The following RNF216 variants were observed in gnomAD, a reference collection of about 807,000 sequenced individuals.
RNF216 encodes the protein ring finger protein 216.
In RNF216, 72 loss-of-function variants were observed where a neutral mutation model predicts 110.8. The ratio of observed to expected loss-of-function variants is 0.65; its 90% CI spans 0.54 to 0.79. The LOEUF is 0.79. Among genes scored for constraint, RNF216 ranks in the 30% least tolerant of loss-of-function variants. The probability of loss-of-function intolerance (pLI) is 0.00; values close to 1 mark genes in which losing one functional copy is unlikely to be tolerated. For missense variants in RNF216, 1,342 were observed against 1,141.2 expected (o/e 1.18, Z -2.54); for synonymous variants, 495 against 407.5 (o/e 1.21, Z -2.59).
At chr7:5,627,949 A>G (rs1403688554) in intron 15 of RNF216, among the ~76,000 whole-genome samples, 1 of 152,042 alleles carries the variant, frequency 6.6e-6, no homozygotes, top group African/African-American at 2.4e-5. Flanking sequence ...AATAAATCCT[A>G]TTTCAGAACT....
intron 13 of RNF216, among the ~76,000 whole-genome samples, chr7:5,655,560 C>T (rs1180465820): frequency 1.3e-5 from 2 of 151,744 alleles, no homozygotes; most frequent in African/African-American, 2.4e-5. Context: ...GAGCAGAGAT[C>T]GCACCACTGC....
At chr7:5,755,560 A>G (rs1795591887) in intron 2 of RNF216, among the ~76,000 whole-genome samples, 1 of 152,198 alleles carries the variant, frequency 6.6e-6, no homozygotes, top group African/African-American at 2.4e-5. Context: ...TGCGCAGATA[A>G]GTTTTGCATG....
intron 13 of RNF216, among the ~76,000 whole-genome samples, chr7:5,666,391 T>C (rs1319648549): frequency 6.6e-6 from 1 of 152,156 alleles, no homozygotes; most frequent in Admixed American, 6.5e-5. Context: ...AAGGTGCATG[T>C]AAGTGAAGAC....
At chr7:5,694,768 C>T (rs936718376) in intron 13 of RNF216, among the ~76,000 whole-genome samples, 2 of 152,148 alleles carry the variant, frequency 1.3e-5, no homozygotes, top group Non-Finnish European at 2.9e-5. Context: ...TCCTGGTCTG[C>T]CAGGGTGCAC....
intron 7 of RNF216, among the ~76,000 whole-genome samples, chr7:5,725,970 G>C (rs1364836076): frequency 3.3e-5 from 5 of 152,156 alleles, no homozygotes; most frequent in South Asian, 2.1e-4. Context: ...AGATTAAAGA[G>C]TAACTAGGGA....
intron 6 of RNF216, 64 bp from the exon 7 acceptor site, chr7:5,729,660 AT>A: frequency 7.7e-7 from 1 of 1,300,500 alleles, no homozygotes; most frequent in Admixed American, 2.0e-5. Flanking sequence ...AGGGGAAATC[AT>A]TTTAAGAATT....
chr7:5,622,963 G>GGGGGCACGTACGGGGCTGGGAT lies in RNF216; in HGVS notation c.2647_2668dup (p.Pro890HisfsTer17). 1 of 1,614,092 alleles carries GGGGGCACGTACGGGGCTGGGAT rather than the reference G, an allele frequency of 6.2e-7. No homozygotes were observed. The highest frequency in any genetic ancestry group is 1.1e-5 in the South Asian group (1 of 91,076). ...ATAGTTGACCCGCACGTTGGGCAGAGGGGGCACGTACGGGGCTGGGATAGG... is the reference window on the plus strand; with the variant it reads ...ATAGTTGACCCGCACGTTGGGCAGAGGGGGCACGTACGGGGCTGGGATGGGGCACGTACGGGGCTGGGATAGG... On this transcript the variant is annotated frameshift_variant, in exon 17 of 17. Transcript: ENST00000389902. LOFTEE classifies it high-confidence loss of function.
chr7:5,691,790 A>C (rs1791357507), intron 13 of RNF216, among the ~76,000 whole-genome samples: 2 of 152,234 alleles, frequency 1.3e-5, no homozygotes, highest in South Asian at 4.1e-4. Context: ...AACTACACCA[A>C]TATCTTTCAA....
At chr7:5,765,228 G>A (rs867333478) in intron 1 of RNF216, among the ~76,000 whole-genome samples, 35 of 152,090 alleles carry the variant, frequency 2.3e-4, no homozygotes, top group South Asian at 1.0e-3. Flanking sequence ...TCGGGAGGTC[G>A]AGGCCAGTGG....
intron 15 of RNF216, among the ~76,000 whole-genome samples, chr7:5,638,813 T>G (rs852475): frequency 0.016 from 2,464 of 152,082 alleles, 36 homozygotes; most frequent in South Asian, 0.034. Flanking sequence ...TTTTGATATT[T>G]TGTAAAGATG....
chr7:5,729,750 G>A (rs562047890), intron 6 of RNF216, among the ~76,000 whole-genome samples, 154 bp from the exon 7 acceptor site: 11 of 152,132 alleles, frequency 7.2e-5, no homozygotes, highest in Non-Finnish European at 1.3e-4. Context: ...ATGAGAAAAC[G>A]GTGGCTCAGA....
chr7:5,622,257 T>C lies in RNF216; in HGVS notation c.*603A>G, dbSNP rs926375340. ...ACAGAACAAAACCCCCGCCGCGAGA[T>C]GGGTCTGCTGCTGCCTCATCTGAGT... On this transcript the variant is annotated 3_prime_UTR_variant, in exon 17 of 17. Transcript: ENST00000389902. 2.0e-5 allele frequency: 3 copies of C among 152,436 alleles called. No homozygotes were observed. Among genetic ancestry groups the C allele is most frequent in the African/African-American group, 7.2e-5 (3 of 41,468 alleles). 9.4% of individuals were successfully genotyped at this position (152,436 alleles called of 1,614,324 possible).
chr7:5,691,815 T>G (rs577719491), intron 13 of RNF216, among the ~76,000 whole-genome samples: 15 of 152,340 alleles, frequency 9.8e-5, no homozygotes, highest in African/African-American at 3.4e-4. Context: ...ATTTTCGATG[T>G]TTTAAATAAC....
intron 2 of RNF216, among the ~76,000 whole-genome samples, chr7:5,754,673 G>A (rs1795522341): frequency 6.6e-6 from 1 of 152,154 alleles, no homozygotes; most frequent in Non-Finnish European, 1.5e-5. Flanking sequence ...GGAAATTGTA[G>A]ATTCCTCTCT....
intron 14 of RNF216, among the ~76,000 whole-genome samples, chr7:5,647,295 T>A (rs895532970): frequency 1.3e-5 from 2 of 151,584 alleles, no homozygotes; most frequent in Non-Finnish European, 2.9e-5. Flanking sequence ...TGACTTGCCA[T>A]GTCCACATCT....
intron 13 of RNF216, among the ~76,000 whole-genome samples, chr7:5,675,273 T>C (rs1790207336): frequency 6.6e-6 from 1 of 152,144 alleles, no homozygotes; most frequent in South Asian, 2.1e-4. Flanking sequence ...CACGCTAGGT[T>C]CTGCACAGAC....
intron 15 of RNF216, among the ~76,000 whole-genome samples, chr7:5,638,731 A>G (rs775872934): frequency 3.4e-5 from 5 of 148,876 alleles, no homozygotes; most frequent in Non-Finnish European, 7.4e-5. Context: ...TTGACCTCCC[A>G]GGCTCAAATG....
chr7:5,724,663 A>C (rs1793640610), intron 8 of RNF216, among the ~76,000 whole-genome samples: 1 of 152,212 alleles, frequency 6.6e-6, no homozygotes, highest in South Asian at 2.1e-4. Context: ...TTCCAGCTTT[A>C]TAGTTACCTG....
chr7:5,696,141 A>G lies in RNF216; in HGVS notation c.2061+15620T>C, dbSNP rs1404145150. 6.6e-6 allele frequency among the ~76,000 whole-genome samples: 1 copy of G among 152,182 alleles called. No homozygotes were observed. Among genetic ancestry groups the G allele is most frequent in the East Asian group, 1.9e-4 (1 of 5,188 alleles). On this transcript the variant is annotated intron_variant, in intron 13 of 16. Coordinates refer to ENST00000389902, the MANE Select transcript of RNF216 (RefSeq NM_207111.4). The surrounding 1 kb of genome is among the most constrained non-coding windows in gnomAD (Gnocchi z 5.4). ...ACAAATCCAGCCCAAGGGGAAACAC[A>G]CTGACATCCACAGTCCATGTGGTGA...
Sources: allele counts gnomAD v4.1 joint callset (sites outside exome capture counted in the v4.1 genomes callset), GRCh38; gene constraint gnomAD v4.1.1; non-coding constraint Gnocchi (gnomAD v3.1); transcripts MANE v1.5; gene names NCBI Gene and HGNC (gene_info 2026-07-23, HGNC 2026-07-21).